Variants in CFB observed in about 807,000 individuals in gnomAD.
CFB encodes the protein complement factor B, also known as B-factor, properdin.
A neutral mutation model predicts 97.2 loss-of-function variants in CFB; 59 were observed. The observed-to-expected ratio is 0.61, with a 90% CI of 0.49 to 0.75. CFB has a LOEUF of 0.75. CFB is among the 30% of genes least tolerant of loss of function. CFB has a pLI of 0.00. For synonymous variants in CFB, 316 were observed against 351.7 expected, an observed-to-expected ratio of 0.90 and a Z score of 1.14; for missense variants, 771 against 959.8, an observed-to-expected ratio of 0.80 and a Z score of 2.60.
At position 31,947,799 on chromosome 6, in the gene CFB, C is replaced by A; in HGVS notation, c.716C>A (p.Thr239Lys). 6.2e-7 allele frequency: 1 copy of A among 1,613,560 alleles called. No homozygotes were observed. Among genetic ancestry groups the A allele is most frequent in the Non-Finnish European group, 8.5e-7 (1 of 1,180,034 alleles). ...GCCGAAGCTTTCCTGTCTTCCCTGA[C>A]AGAGACCATAGAAGGAGTCGATGCT... is the stretch of plus-strand genomic sequence containing the variant. Reference protein sequence around the residue: ...EVAEAFLSSLTETIEGVDAED... With the variant: ...EVAEAFLSSLKETIEGVDAED... The change falls in exon 5 of 18, where the codon ACA becomes AAA. Residue 239 changes from threonine (T) to lysine (K), a missense_variant. Coordinates refer to ENST00000425368, the MANE Select transcript of CFB (RefSeq NM_001710.6). The surrounding 1 kb of genome is among the most constrained non-coding windows in gnomAD (Gnocchi z 5.3).
At chr6:31,950,978 A>G in intron 14 of CFB, 34 bp downstream of exon 14, 1 of 1,609,288 alleles carries the variant, frequency 6.2e-7, no homozygotes, top group Non-Finnish European at 8.5e-7. Context: ...TAAGGATGAG[A>G]TCCCAAGAGA....
intron 8 of CFB, 119 bp from the exon 9 acceptor site, chr6:31,949,124 G>C (rs1771604976): frequency 7.0e-7 from 1 of 1,425,594 alleles, no homozygotes; most frequent in East Asian, 2.4e-5. Flanking sequence ...TTCTTCCTAA[G>C]CCCTGTGATC....
At chr6:31,950,241 GGTTT>G in intron 11 of CFB, 41 bp from the exon 12 acceptor site, 1 of 1,606,846 alleles carries the variant, frequency 6.2e-7, no homozygotes, top group Non-Finnish European at 8.5e-7. Flanking sequence ...AAGAGATGGT[GGTTT>G]GTGAAAGTTG....
intron 7 of CFB, 136 bp from the exon 8 acceptor site, chr6:31,948,694 G>T: frequency 1.3e-6 from 2 of 1,525,270 alleles, no homozygotes; most frequent in Admixed American, 1.8e-5. Context: ...GCCACTTTGT[G>T]GTCAAAGGGA....
intron 14 of CFB, 56 bp downstream of exon 14, chr6:31,951,000 T>A: frequency 6.3e-7 from 1 of 1,597,524 alleles, no homozygotes; most frequent in Non-Finnish European, 8.6e-7. Context: ...AAGTGGGGCA[T>A]GAGAGGGAGG....
chr6:31,950,515 C>T, intron 12 of CFB, 104 bp from the exon 13 acceptor site: 1 of 1,576,716 alleles, frequency 6.3e-7, no homozygotes, highest in South Asian at 1.1e-5. Flanking sequence ...ATTCCTTGCA[C>T]CCCAGACCAG....
intron 13 of CFB, 45 bp downstream of exon 13, chr6:31,950,817 G>A (rs1384148669): frequency 6.2e-7 from 1 of 1,613,090 alleles, no homozygotes; most frequent in Middle Eastern, 1.6e-4. Context: ...AAAGGCTGGA[G>A]GACTGGGGTG....
chr6:31,951,100 G>C lies in CFB; in HGVS notation c.1856-44G>C, dbSNP rs773542539. ...TGAGTGACAAAGGCAATGGGGAGAT[G>C]ACAGTGGTGGGAGCAGCTGAAGTGA... On this transcript the variant is annotated intron_variant, in intron 14 of 17. Transcript: ENST00000425368. The surrounding 1 kb of genome is among the most constrained non-coding windows in gnomAD (Gnocchi z 4.3). 4 of 1,601,192 alleles carry C rather than the reference G, an allele frequency of 2.5e-6. No individual in the cohort carries two copies. The East Asian group carries it at 6.7e-5, about 27-fold the overall frequency.
chr6:31,948,626 T>G, intron 7 of CFB, 114 bp downstream of exon 7: 1 of 1,543,414 alleles, frequency 6.5e-7, no homozygotes, highest in Non-Finnish European at 8.9e-7. Flanking sequence ...AGTCAAAAGT[T>G]GAACAGCAGG....
Position 31,947,113 on chromosome 6 carries a change from C to T in CFB, c.405C>T (p.Tyr135=), listed in dbSNP as rs4151650. ...TCTCTTTCCACTGCTATGACGGTTACACTCTCCGGGGCTCTGCCAATCGCA... is the reference window on the plus strand; with the variant it reads ...TCTCTTTCCACTGCTATGACGGTTATACTCTCCGGGGCTCTGCCAATCGCA... ...DEISFHCYDG[Y]TLRGSANRTC... The change falls in exon 3 of 18, where the codon TAC becomes TAT. Residue 135 remains tyrosine, a synonymous_variant. Coordinates refer to ENST00000425368, the MANE Select transcript of CFB (RefSeq NM_001710.6). This position sits in a 1 kb window ranked among gnomAD's most constrained non-coding sequence, Gnocchi z 5.3. The T allele has an allele frequency of 2.5e-3, 3,969 of 1,613,052 alleles. 47 individuals carry two copies. The African/African-American group carries it at 0.032, about 13-fold the overall frequency.
chr6:31,947,053 GC>G lies in CFB; in HGVS notation c.349del (p.Arg117GlyfsTer7). ...ACGACTTCGAGAACGGGGAATACTG[GC>G]CCCGGTCTCCCTACTACAATGTGAG... ...PHDFENGEYW[P>X]RSPYYNVSDE... On this transcript the variant is annotated frameshift_variant, in exon 3 of 18. Transcript: ENST00000425368. LOFTEE classifies it high-confidence loss of function. This position sits in a 1 kb window ranked among gnomAD's most constrained non-coding sequence, Gnocchi z 5.3. 1 of 1,612,920 alleles carries G rather than the reference GC, an allele frequency of 6.2e-7. No homozygotes were observed. Among genetic ancestry groups the G allele is most frequent in the Non-Finnish European group, 8.5e-7 (1 of 1,180,000 alleles).
In CFB at chr6:31,949,338, T is replaced by G. The variant is rs1771616568; in HGVS notation, c.1264T>G (p.Tyr422Asp). Residue 422 changes from tyrosine to aspartate, a missense_variant, in exon 9 of 18, where the codon TAT becomes GAT. By Grantham distance (160) the Tyr-to-Asp change is radical. Coordinates refer to ENST00000425368, the MANE Select transcript of CFB (RefSeq NM_001710.6). ...GGATCGCAAAAACCCAAGGGAGGAT[T>G]ATCTGGGTGAGTAACCTGCCTAGGA... ...GKDRKNPRED[Y>D]LDVYVFGVGP... is the part of the protein sequence containing the mutation. 1 of 1,614,192 alleles carries G rather than the reference T, an allele frequency of 6.2e-7. No individual in the cohort carries two copies.
In CFB at chr6:31,951,195, A is replaced by G. The variant is rs748714089; in HGVS notation, c.1907A>G (p.Glu636Gly). ...QDIKALFVSEEEKKLTRKEVY... is the reference protein window; with the variant it reads ...QDIKALFVSEGEKKLTRKEVY... The stretch of plus-strand genomic sequence containing the variant: ...ATCAAAGCTCTGTTTGTGTCTGAGG[A>G]GGAGAAAAAGCTGACTCGGAAGGAG... The change falls in exon 15 of 18, where the codon GAG becomes GGG. Residue 636 changes from glutamate (E) to glycine (G), a missense_variant. Coordinates refer to ENST00000425368, the MANE Select transcript of CFB (RefSeq NM_001710.6). This position sits in a 1 kb window ranked among gnomAD's most constrained non-coding sequence, Gnocchi z 4.3. The G allele has an allele frequency of 6.2e-7, 1 of 1,613,052 alleles. No individual in the cohort carries two copies. The highest frequency in any genetic ancestry group is 8.5e-7 in the Non-Finnish European group (1 of 1,180,002).
In CFB at chr6:31,950,132, C is replaced by T; in HGVS notation, c.1491C>T (p.Ala497=). 6.2e-7 allele frequency: 1 copy of T among 1,612,986 alleles called. No individual in the cohort carries two copies. Among genetic ancestry groups the T allele is most frequent in the Non-Finnish European group, 8.5e-7 (1 of 1,180,016 alleles). ...ATTACCACAAGCAACCATGGCAGGC[C>T]AAGATCTCAGTCATTGTAAGCACAG... ...GTDYHKQPWQ[A]KISVIRPSKG... is the part of the protein sequence containing the mutation. Residue 497 remains alanine, a synonymous_variant, in exon 11 of 18, where the codon GCC becomes GCT. Coordinates refer to ENST00000425368, the MANE Select transcript of CFB (RefSeq NM_001710.6).
chr6:31,950,382 C>A lies in CFB; in HGVS notation c.1603C>A (p.His535Asn), dbSNP rs202094896. The change falls in exon 12 of 18, where the codon CAC becomes AAC. Residue 535 changes from histidine (H) to asparagine (N), a missense_variant. His to Asn is a moderately conservative substitution (Grantham distance 68, BLOSUM62 1). Coordinates refer to ENST00000425368, the MANE Select transcript of CFB (RefSeq NM_001710.6). ...AHCFTVDDKE[H>N]SIKVSVGGEK... is the part of the protein sequence containing the mutation. Reference sequence around the variant, plus strand: ...TTGTTTCACTGTGGATGACAAGGAACACTCAATCAAGGTCAGCGTAGGTAA... The same window carrying A: ...TTGTTTCACTGTGGATGACAAGGAAAACTCAATCAAGGTCAGCGTAGGTAA... 2 of 1,612,960 alleles carry A rather than the reference C, an allele frequency of 1.2e-6. No homozygotes were observed. The highest frequency in any genetic ancestry group is 1.6e-4 in the Middle Eastern group (1 of 6,062).
In CFB at chr6:31,946,829, C is replaced by A; in HGVS notation, c.299-178C>A. ...CAGCCCTGGAAGTCAAGAGAACACT[C>A]AGAAATGGGGAGGGAGAAGCAGTGG... On this transcript the variant is annotated intron_variant, in intron 2 of 17. Transcript: ENST00000425368. This position sits in a 1 kb window ranked among gnomAD's most constrained non-coding sequence, Gnocchi z 6.4. 1 of 797,748 alleles carries A rather than the reference C, an allele frequency of 1.3e-6. No homozygotes were observed. Among genetic ancestry groups the A allele is most frequent in the Non-Finnish European group, 2.1e-6 (1 of 475,080 alleles). The allele number at this position is 797,748 out of a possible 1,614,324, so 49.4% of individuals were successfully genotyped here. A position where few individuals can be genotyped will look rare whatever the true frequency, so the allele number is the denominator to read the frequency against.
chr6:31,947,884 GA>G lies in CFB; in HGVS notation c.760+45del, dbSNP rs1188975809. ...AGGGAGGCAGGGCAGGGAACTGGGG[GA>G]AAATGGAGAAGGGACAGAACTGTTA... On this transcript the variant is annotated intron_variant, in intron 5 of 17. Coordinates refer to ENST00000425368, the MANE Select transcript of CFB (RefSeq NM_001710.6). This position sits in a 1 kb window ranked among gnomAD's most constrained non-coding sequence, Gnocchi z 5.3. 1.2e-6 allele frequency: 2 copies of G among 1,614,132 alleles called. No homozygotes were observed.
At chr6:31,950,180 G>A (rs1582139287) in intron 11 of CFB, 33 bp downstream of exon 11, 4 of 1,610,918 alleles carry the variant, frequency 2.5e-6, no homozygotes, top group Non-Finnish European at 3.4e-6. Flanking sequence ...GGGGACTTGG[G>A]GGAGGTGAGG....
In CFB at chr6:31,951,185, G is replaced by T. The variant is rs2151787857; in HGVS notation, c.1897G>T (p.Val633Leu). ...TGCACAGGATATCAAAGCTCTGTTT[G>T]TGTCTGAGGAGGAGAAAAAGCTGAC... ...LPAQDIKALF[V>L]SEEEKKLTRK... Residue 633 changes from valine to leucine, a missense_variant, in exon 15 of 18, where the codon GTG (valine) becomes TTG (leucine). Coordinates refer to ENST00000425368, the MANE Select transcript of CFB (RefSeq NM_001710.6). This position sits in a 1 kb window ranked among gnomAD's most constrained non-coding sequence, Gnocchi z 4.3. The T allele has an allele frequency of 3.7e-6, 6 of 1,613,068 alleles. No individual in the cohort carries two copies. Among genetic ancestry groups the T allele is most frequent in the African/African-American group, 1.3e-5 (1 of 75,040 alleles).
Sources: gnomAD v4.1 joint callset for allele counts on GRCh38, gnomAD v4.1.1 for gene constraint, Gnocchi (gnomAD v3.1) non-coding constraint, MANE v1.5 for transcripts, NCBI Gene and HGNC (gene_info 2026-07-23, HGNC 2026-07-21) for gene names.